The following ATRNL1 variants were observed in gnomAD, a reference collection of about 807,000 sequenced individuals.
ATRNL1 encodes attractin-like protein 1.
In ATRNL1, 95 loss-of-function variants were observed where a neutral mutation model predicts 182.7. That is an observed-to-expected ratio of 0.52 (90% CI 0.44 to 0.62). ATRNL1 has a LOEUF of 0.62. ATRNL1 is among the 20% of genes least tolerant of loss of function. The pLI is 0.00. For missense variants in ATRNL1, 1,471 were observed against 1,679.5 expected, an observed-to-expected ratio of 0.88 and a Z score of 2.17; for synonymous variants, 576 against 568.3, an observed-to-expected ratio of 1.01 and a Z score of -0.19.
intron 26 of ATRNL1, among the ~76,000 whole-genome samples, chr10:115,651,581 C>T (rs985305903): frequency 2.0e-5 from 3 of 151,936 alleles, no homozygotes; most frequent in South Asian, 2.1e-4. Flanking sequence ...GTTTAGCTTC[C>T]TGGATGTGTA....
intron 28 of ATRNL1, among the ~76,000 whole-genome samples, chr10:115,895,565 A>G (rs1471516147): frequency 3.9e-5 from 6 of 152,212 alleles, no homozygotes; most frequent in African/African-American, 7.2e-5. Flanking sequence ...CCCTCCACTC[A>G]GGAAAGCCAC....
chr10:115,854,791 G>A (rs372050267), intron 28 of ATRNL1, among the ~76,000 whole-genome samples: 4 of 152,170 alleles, frequency 2.6e-5, no homozygotes, highest in South Asian at 4.1e-4. Flanking sequence ...CTCAGTAATC[G>A]TGAAGTTCTA....
intron 27 of ATRNL1, among the ~76,000 whole-genome samples, chr10:115,811,543 G>GAGAGGAGTGTTAA (rs1950046931): frequency 6.6e-6 from 1 of 151,934 alleles, no homozygotes. Flanking sequence ...TTCTTCCTCA[G>GAGAGGAGTGTTAA]AGAGGAGTGT....
At chr10:115,461,303 C>A (rs1226042612) in intron 21 of ATRNL1, among the ~76,000 whole-genome samples, 2 of 152,008 alleles carry the variant, frequency 1.3e-5, no homozygotes, top group African/African-American at 2.4e-5. Context: ...TTAAATGTTT[C>A]ACCTTGGTTC....
rs547043989 is a variant in ATRNL1 at position 115,470,830 on chromosome 10, C to T, written c.3654+1501C>T. Among the ~76,000 whole-genome samples the T allele has an allele frequency of 6.1e-4, 92 of 150,644 alleles. 2 individuals are homozygous for T. In the South Asian group the frequency reaches 0.019, roughly 31 times the overall value. ...GGCCTAATTTCTCCTCTTTATTAAA[C>T]TCATTATGCCTATGGAATATGTTAT... On this transcript the variant is annotated intron_variant, in intron 24 of 28. Transcript: ENST00000355044.
intron 19 of ATRNL1, among the ~76,000 whole-genome samples, chr10:115,392,182 A>G (rs1249319696): frequency 6.6e-6 from 1 of 152,180 alleles, no homozygotes; most frequent in East Asian, 1.9e-4. Context: ...ATTTAAAATC[A>G]CCACCATAAT....
At chr10:115,128,528 C>G (rs1460094637) in intron 4 of ATRNL1, 4 of 471,802 alleles carry the variant, frequency 8.5e-6, no homozygotes, top group Non-Finnish European at 1.1e-5. Context: ...CAAGGGAGAA[C>G]AAATATATAG....
chr10:115,621,274 T>TAG (rs1243070932), intron 26 of ATRNL1, among the ~76,000 whole-genome samples: 110 of 48,186 alleles, frequency 2.3e-3, no homozygotes, highest in African/African-American at 6.1e-3. Context: ...TATATATATA[T>TAG]ATAGAGAGAG....
intron 28 of ATRNL1, among the ~76,000 whole-genome samples, chr10:115,849,809 C>G (rs1555099976): frequency 6.6e-6 from 1 of 152,114 alleles, no homozygotes; most frequent in Non-Finnish European, 1.5e-5. Context: ...AAAATACTTA[C>G]TGCTAGCATT....
At chr10:115,849,187 GT>G (rs1950997558) in intron 28 of ATRNL1, among the ~76,000 whole-genome samples, 1 of 152,148 alleles carries the variant, frequency 6.6e-6, no homozygotes, top group African/African-American at 2.4e-5. Context: ...ATTTATGGAT[GT>G]TTATTCAAAG....
intron 10 of ATRNL1, among the ~76,000 whole-genome samples, chr10:115,241,961 T>A (rs1018864134): frequency 3.3e-5 from 5 of 152,020 alleles, no homozygotes; most frequent in African/African-American, 1.2e-4. Context: ...TAGATTTGGA[T>A]GTCCTTTTTG....
chr10:115,386,668 T>G (rs1367728679), intron 19 of ATRNL1, among the ~76,000 whole-genome samples: 1 of 151,980 alleles, frequency 6.6e-6, no homozygotes, highest in African/African-American at 2.4e-5. Context: ...TTATTTTTAT[T>G]TTATTATTAT....
chr10:115,114,135 G>C (rs1032628798), intron 1 of ATRNL1, among the ~76,000 whole-genome samples: 33 of 152,012 alleles, frequency 2.2e-4, no homozygotes, highest in Non-Finnish European at 4.4e-4. Flanking sequence ...ACAGAGGCTC[G>C]AGGAATACAC....
chr10:115,605,804 C>T (rs1027608893), intron 26 of ATRNL1, among the ~76,000 whole-genome samples: 4 of 151,714 alleles, frequency 2.6e-5, no homozygotes, highest in Non-Finnish European at 4.4e-5. Flanking sequence ...CAACAGAGTG[C>T]GATCAGTCTA....
intron 27 of ATRNL1, among the ~76,000 whole-genome samples, chr10:115,770,073 C>A (rs115220639): frequency 6.6e-6 from 1 of 151,702 alleles, no homozygotes; most frequent in Non-Finnish European, 1.5e-5. Flanking sequence ...AGAAGACCTC[C>A]GAAGCTCCAA....
intron 17 of ATRNL1, among the ~76,000 whole-genome samples, chr10:115,313,900 A>G (rs1159903047): frequency 6.6e-6 from 1 of 152,202 alleles, no homozygotes; most frequent in Non-Finnish European, 1.5e-5. Context: ...TTGATAGCAT[A>G]GTAACCCAAT....
At chr10:115,408,028 G>C (rs1245292048) in intron 20 of ATRNL1, among the ~76,000 whole-genome samples, 27 of 119,956 alleles carry the variant, frequency 2.3e-4, no homozygotes, top group Non-Finnish European at 4.1e-4. Context: ...ACGGAGTCTC[G>C]CTCTGTCGCC....
At chr10:115,373,414 G>A (rs1248345962) in intron 19 of ATRNL1, among the ~76,000 whole-genome samples, 1 of 151,986 alleles carries the variant, frequency 6.6e-6, no homozygotes, top group African/African-American at 2.4e-5. Flanking sequence ...TAGAAGTGGT[G>A]AGTGTCGGAA....
chr10:115,415,854 A>T (rs1384898993), intron 20 of ATRNL1, among the ~76,000 whole-genome samples: 1 of 151,998 alleles, frequency 6.6e-6, no homozygotes, highest in Admixed American at 6.6e-5. Flanking sequence ...ATCATTTACT[A>T]GATTTTTAGC....
Sources: gnomAD v4.1 joint callset for allele counts (sites outside exome capture counted in the v4.1 genomes callset) on GRCh38, gnomAD v4.1.1 for gene constraint, MANE v1.5 for transcripts, NCBI Gene and HGNC (gene_info 2026-07-23, HGNC 2026-07-21) for gene names.